The following OTUD6B variants were observed in gnomAD, a reference collection of about 807,000 sequenced individuals.
The protein encoded by OTUD6B is OTU deubiquitinase 6B, also known as deubiquitinase OTUD6B.
In OTUD6B, 41 loss-of-function variants were observed where a neutral mutation model predicts 36.9. That is an observed-to-expected ratio of 1.11 (90% CI 0.87 to 1.44). OTUD6B has a LOEUF of 1.44. OTUD6B is among the 40% of genes most tolerant of loss of function. OTUD6B has a pLI of 0.00. For synonymous variants in OTUD6B, 114 were observed against 114.2 expected (o/e 1.00, Z 0.01); for missense variants, 356 against 344.8 (o/e 1.03, Z -0.26).
intron 3 of OTUD6B, among the ~76,000 whole-genome samples, chr8:91,076,143 T>TA (rs1800314165): frequency 6.6e-6 from 1 of 152,154 alleles, no homozygotes; most frequent in Admixed American, 6.5e-5. Flanking sequence ...AAAAGTTTGA[T>TA]ACAAACCCAG....
At chr8:91,080,756 T>A (rs745618840) in intron 5 of OTUD6B, 26 bp downstream of exon 5, 11 of 1,530,100 alleles carry the variant, frequency 7.2e-6, no homozygotes, top group Non-Finnish European at 8.9e-7. Flanking sequence ...TTCATAGTGA[T>A]TGTGGGTTGT....
chr8:91,080,484 G>A, intron 4 of OTUD6B, 185 bp from the exon 5 acceptor site: 1 of 763,340 alleles, frequency 1.3e-6, no homozygotes, highest in Non-Finnish European at 1.6e-6. Flanking sequence ...TGGAAATGTG[G>A]TAGAAAGTTG....
rs575496571 is a variant in OTUD6B at position 91,073,079 on chromosome 8, A to C, written c.235-752A>C. Reference sequence around the variant, plus strand: ...TTGATAGCCACTCTTTGAAGTCTCTATCTGATTTTGATATTTTGATCATTT... The same window carrying C: ...TTGATAGCCACTCTTTGAAGTCTCTCTCTGATTTTGATATTTTGATCATTT... On this transcript the variant is annotated intron_variant, in intron 2 of 6. Transcript: ENST00000404789. Among the ~76,000 whole-genome samples, 3 of 152,220 alleles carry C rather than the reference A, an allele frequency of 2.0e-5. No homozygotes were observed. In the South Asian group the frequency reaches 6.2e-4, roughly 32 times the overall value.
Position 91,070,481 on chromosome 8 carries a change from A to C in OTUD6B, c.82+15A>C, listed in dbSNP as rs1435663154. 6.4e-7 allele frequency: 1 copy of C among 1,556,622 alleles called. No homozygotes were observed. Among genetic ancestry groups the C allele is most frequent in the Admixed American group, 1.9e-5 (1 of 51,338 alleles). On this transcript the variant is annotated intron_variant, in intron 1 of 6. Transcript: ENST00000404789. ...GGAGTTGCAAGGTGAGGCGGAAGGA[A>C]GTGGGAATCTGGAAGCCGCCGCGAC...
At chr8:91,080,813 T>C in intron 5 of OTUD6B, 83 bp downstream of exon 5, 1 of 957,674 alleles carries the variant, frequency 1.0e-6, no homozygotes, top group Non-Finnish European at 1.6e-6. Flanking sequence ...GTTTCTCAGC[T>C]GATCCCAATT....
At chr8:91,077,967 C>G (rs141346517) in intron 3 of OTUD6B, among the ~76,000 whole-genome samples, 1 of 152,064 alleles carries the variant, frequency 6.6e-6, no homozygotes, top group Admixed American at 6.6e-5. Flanking sequence ...TACTGGTGGA[C>G]TGATAAGAAG....
At chr8:91,083,422 T>G (rs1303522585) in intron 5 of OTUD6B, among the ~76,000 whole-genome samples, 1 of 152,154 alleles carries the variant, frequency 6.6e-6, no homozygotes, top group Non-Finnish European at 1.5e-5. Flanking sequence ...CTTCATTAAC[T>G]GTGGCATTGA....
Position 91,070,372 on chromosome 8 carries a change from G to T in OTUD6B, c.-13G>T, listed in dbSNP as rs1812661451. ...GGTTTCTTCTAGCGCGTGTGCTGGG[G>T]TACCTGGTCGTCATGGAGGCGGTAT... On this transcript the variant is annotated 5_prime_UTR_variant, in exon 1 of 7. Transcript: ENST00000404789. 1.2e-6 allele frequency: 2 copies of T among 1,611,462 alleles called. No individual in the cohort carries two copies. The highest frequency in any genetic ancestry group is 2.7e-5 in the African/African-American group (2 of 74,916).
intron 3 of OTUD6B, among the ~76,000 whole-genome samples, chr8:91,074,575 G>A (rs1401642967): frequency 6.6e-6 from 1 of 152,042 alleles, no homozygotes; most frequent in Non-Finnish European, 1.5e-5. Context: ...TTGCATTATT[G>A]AAGAGCTATA....
Position 91,071,201 on chromosome 8 carries a change from C to G in OTUD6B, c.146C>G (p.Thr49Ser), listed in dbSNP as rs756055664. ...GACAAGAAGAGGAGGAAGCAACTCACCGAAGATGTGGCCAAGTTGGAAAAA... is the reference window on the plus strand; with the variant it reads ...GACAAGAAGAGGAGGAAGCAACTCAGCGAAGATGTGGCCAAGTTGGAAAAA... ...KNDKKRRKQL[T>S]EDVAKLEKEM... The change falls in exon 2 of 7, where the codon ACC becomes AGC. Residue 49 changes from threonine (T) to serine (S), a missense_variant. By Grantham distance (58) the Thr-to-Ser change is moderately conservative (BLOSUM62 1). Coordinates refer to ENST00000404789, the MANE Select transcript of OTUD6B (RefSeq NM_016023.5). 1 of 1,613,670 alleles carries G rather than the reference C, an allele frequency of 6.2e-7. No homozygotes were observed. Among genetic ancestry groups the G allele is most frequent in the Admixed American group, 1.7e-5 (1 of 60,010 alleles).
At chr8:91,077,438 T>TCTAGGAA (rs1271667632) in intron 3 of OTUD6B, among the ~76,000 whole-genome samples, 1 of 152,064 alleles carries the variant, frequency 6.6e-6, no homozygotes, top group African/African-American at 2.4e-5. Context: ...GCACTGTAGC[T>TCTAGGAA]CTAGGAACTG....
At chr8:91,078,689 A>G (rs1428803620) in intron 4 of OTUD6B, 21 bp downstream of exon 4, 7 of 1,477,528 alleles carry the variant, frequency 4.7e-6, no homozygotes, top group Non-Finnish European at 6.4e-6. Context: ...TTTCTTTACT[A>G]TGTTTTATTG....
In OTUD6B at chr8:91,071,294, G is replaced by A. The variant is rs1282543305; in HGVS notation, c.234+5G>A. 1.9e-6 allele frequency: 3 copies of A among 1,602,630 alleles called. No homozygotes were observed. The highest frequency in any genetic ancestry group is 1.7e-6 in the Non-Finnish European group (2 of 1,175,586). ...CTGACTACTAAGGAGAATAAGGTAT[G>A]TGAAATAAATGTTTGTCGTTGCCTA... On this transcript the variant is annotated splice_donor_5th_base_variant and intron_variant, in intron 2 of 6. Coordinates refer to ENST00000404789, the MANE Select transcript of OTUD6B (RefSeq NM_016023.5).
At chr8:91,071,323 C>T (rs1191064303) in intron 2 of OTUD6B, 34 bp downstream of exon 2, 37 of 1,521,358 alleles carry the variant, frequency 2.4e-5, no homozygotes, top group Non-Finnish European at 3.2e-5. Flanking sequence ...TTGCCTACAC[C>T]ATTTGAAAAC....
At chr8:91,077,415 A>T (rs937740524) in intron 3 of OTUD6B, among the ~76,000 whole-genome samples, 2 of 151,976 alleles carry the variant, frequency 1.3e-5, no homozygotes, top group Non-Finnish European at 2.9e-5. Flanking sequence ...TCATCTCTTG[A>T]CAGTTTTCTC....
chr8:91,071,009 C>T (rs4579491), intron 1 of OTUD6B, 129 bp from the exon 2 acceptor site: 5 of 1,419,342 alleles, frequency 3.5e-6, no homozygotes, highest in African/African-American at 1.5e-5. Context: ...CTGCCTGTTA[C>T]GTGATGACTC....
intron 3 of OTUD6B, among the ~76,000 whole-genome samples, chr8:91,074,762 C>T (rs988699091): frequency 1.3e-5 from 2 of 151,968 alleles, no homozygotes; most frequent in African/African-American, 2.4e-5. Context: ...TTTTTAAATT[C>T]ATTTTGCATC....
Position 91,073,848 on chromosome 8 carries a change from T to G in OTUD6B, c.252T>G (p.Val84=). 6.3e-7 allele frequency: 1 copy of G among 1,588,848 alleles called. No individual in the cohort carries two copies. Among genetic ancestry groups the G allele is most frequent in the Non-Finnish European group, 8.6e-7 (1 of 1,165,714 alleles). ...TCCTTCAGATAGATTCTGTTGCTGT[T>G]AACATTTCAAACTTGGTGCTTGAGA... ...TKENKIDSVA[V]NISNLVLENQ... The change falls in exon 3 of 7, where the codon GTT becomes GTG. Residue 84 remains valine, a synonymous_variant. Transcript: ENST00000404789.
intron 5 of OTUD6B, among the ~76,000 whole-genome samples, chr8:91,081,168 A>C (rs759675228): frequency 6.6e-6 from 1 of 151,784 alleles, no homozygotes; most frequent in African/African-American, 2.4e-5. Flanking sequence ...ATGTGAAATT[A>C]TAGGCCAAAT....
Sources: allele counts gnomAD v4.1 joint callset (sites outside exome capture counted in the v4.1 genomes callset), GRCh38; gene constraint gnomAD v4.1.1; transcripts MANE v1.5; gene names NCBI Gene and HGNC (gene_info 2026-07-23, HGNC 2026-07-21).